GDAP1L1: variants seen among roughly 807,000 people sequenced by gnomAD.
GDAP1L1 encodes ganglioside-induced differentiation-associated protein 1-like 1.
Under a neutral mutation model 37.1 loss-of-function variants are expected in GDAP1L1, and 21 were observed. The ratio of observed to expected loss-of-function variants is 0.57; its 90% CI spans 0.40 to 0.81. GDAP1L1 has a LOEUF of 0.81. Among genes scored for constraint, GDAP1L1 ranks in the 40% least tolerant of loss-of-function variants. The pLI is 0.00. For synonymous variants in GDAP1L1, 193 were observed against 209.1 expected (o/e 0.92, Z 0.67); for missense variants, 362 against 491.6 (o/e 0.74, Z 2.49).
At chr20:44,276,148 C>T (rs1349525136) in intron 5 of GDAP1L1, among the ~76,000 whole-genome samples, 1 of 148,538 alleles carries the variant, frequency 6.7e-6, no homozygotes, top group Middle Eastern at 3.4e-3. Flanking sequence ...GTGGCAAAAC[C>T]CCATCTCTAG....
Position 44,247,649 on chromosome 20 carries a change from G to A in GDAP1L1, c.180+135G>A, listed in dbSNP as rs556720810. 2,281 of 804,770 alleles carry A rather than the reference G, an allele frequency of 2.8e-3. 20 individuals are homozygous for A. Among genetic ancestry groups the A allele is most frequent in the Middle Eastern group, 8.1e-3 (22 of 2,704 alleles). The allele number at this position is 804,770 out of a possible 1,614,324, so 49.9% of individuals were successfully genotyped here. On this transcript the variant is annotated intron_variant, in intron 1 of 5. Coordinates refer to ENST00000342560, the MANE Select transcript of GDAP1L1 (RefSeq NM_024034.6). Reference sequence around the variant, plus strand: ...GGTTTGGGGGTCCCGGAGGTCGGGGGACGCAAGGGTTCCTTCCAGGACTGC... The same window carrying A: ...GGTTTGGGGGTCCCGGAGGTCGGGGAACGCAAGGGTTCCTTCCAGGACTGC...
At position 44,257,243 on chromosome 20, in the gene GDAP1L1, C is replaced by A. The variant is rs377474335; in HGVS notation, c.271C>A (p.Arg91=). 6.8e-6 allele frequency: 11 copies of A among 1,613,158 alleles called. No homozygotes were observed. The highest frequency in any genetic ancestry group is 6.7e-5 in the African/African-American group (5 of 75,034). ...CGAGCACAAGGAGCCCTGGTTCATG[C>A]GGCTCAACCTGGGCGAGGAGGTGCC... ...QSEHKEPWFM[R]LNLGEEVPVI... is the part of the protein sequence containing the mutation. The change falls in exon 2 of 6, where the codon CGG becomes AGG. Residue 91 remains arginine, a synonymous_variant. Coordinates refer to ENST00000342560, the MANE Select transcript of GDAP1L1 (RefSeq NM_024034.6).
chr20:44,247,907 T>C (rs977178577), intron 1 of GDAP1L1, among the ~76,000 whole-genome samples: 3 of 152,020 alleles, frequency 2.0e-5, no homozygotes, highest in African/African-American at 4.8e-5. Flanking sequence ...GAAGCGCTAC[T>C]TGGGGTCCAG....
rs774358146 is a variant in GDAP1L1, at chr20:44,257,281, C to T, written c.309C>T (p.His103=). 140 of 1,613,894 alleles carry T rather than the reference C, an allele frequency of 8.7e-5. No individual in the cohort carries two copies. The highest frequency in any genetic ancestry group is 1.1e-4 in the Non-Finnish European group (132 of 1,179,972). Residue 103 remains histidine, a synonymous_variant, in exon 2 of 6, where the codon CAC becomes CAT. Coordinates refer to ENST00000342560, the MANE Select transcript of GDAP1L1 (RefSeq NM_024034.6). ...NLGEEVPVII[H]RDNIISDYDQ... is the part of the protein sequence containing the mutation. ...GCGAGGAGGTGCCCGTCATCATCCA[C>T]CGCGACAACATCATCAGTGACTATG... is the stretch of plus-strand genomic sequence containing the variant.
intron 1 of GDAP1L1, among the ~76,000 whole-genome samples, chr20:44,252,634 C>G (rs2073466991): frequency 6.6e-6 from 1 of 152,070 alleles, no homozygotes; most frequent in South Asian, 2.1e-4. Context: ...GAGCGAAACT[C>G]AAGCTCAAAA....
At chr20:44,255,426 C>A (rs1471272825) in intron 1 of GDAP1L1, among the ~76,000 whole-genome samples, 4 of 151,370 alleles carry the variant, frequency 2.6e-5, no homozygotes, top group Non-Finnish European at 5.9e-5. Context: ...CCTGTAATCC[C>A]AGCTACTCGG....
chr20:44,256,922 C>G (rs531005523), intron 1 of GDAP1L1, among the ~76,000 whole-genome samples: 2 of 152,324 alleles, frequency 1.3e-5, no homozygotes, highest in South Asian at 4.1e-4. Flanking sequence ...CCCTTAGCCA[C>G]CAGGCAGCAC....
chr20:44,256,147 G>A (rs986615274), intron 1 of GDAP1L1, among the ~76,000 whole-genome samples: 1 of 152,190 alleles, frequency 6.6e-6, no homozygotes, highest in Non-Finnish European at 1.5e-5. Context: ...CTGAATTGCT[G>A]TGTGACTTTG....
At position 44,258,622 on chromosome 20, in the gene GDAP1L1, G is replaced by A. The variant is rs376935377; in HGVS notation, c.547+15G>A. Reference sequence around the variant, plus strand: ...CGAGATCCGCAGTGAGTGCCAGGGCGGCGAGACAGCCCCTCTGCTTTCCCC... The same window carrying A: ...CGAGATCCGCAGTGAGTGCCAGGGCAGCGAGACAGCCCCTCTGCTTTCCCC... On this transcript the variant is annotated intron_variant, in intron 3 of 5. Transcript: ENST00000342560. 14 of 1,576,438 alleles carry A rather than the reference G, an allele frequency of 8.9e-6. No individual in the cohort carries two copies. The highest frequency in any genetic ancestry group is 2.3e-5 in the East Asian group (1 of 43,508).
chr20:44,276,298 G>A (rs2062572404), intron 5 of GDAP1L1, among the ~76,000 whole-genome samples: 1 of 151,050 alleles, frequency 6.6e-6, no homozygotes, highest in Admixed American at 6.6e-5. Context: ...TTGCACCACT[G>A]CACTGCAGCC....
At position 44,247,451 on chromosome 20, in the gene GDAP1L1, C is replaced by G; in HGVS notation, c.117C>G (p.Pro39=). The G allele has an allele frequency of 1.2e-6, 2 of 1,606,954 alleles. No homozygotes were observed. The highest frequency in any genetic ancestry group is 1.7e-6 in the Non-Finnish European group (2 of 1,177,126). The change falls in exon 1 of 6, where the codon CCC becomes CCG. Residue 39 remains proline (P), a synonymous_variant. Coordinates refer to ENST00000342560, the MANE Select transcript of GDAP1L1 (RefSeq NM_024034.6). ...EAPDAPEAAS[P]AHWPRESLVL... is the part of the protein sequence containing the mutation. ...CCGACGCTCCCGAGGCGGCCAGCCC[C>G]GCCCATTGGCCCAGGGAGAGCCTGG...
chr20:44,260,188 C>G (rs968617172), intron 3 of GDAP1L1, among the ~76,000 whole-genome samples: 2 of 151,684 alleles, frequency 1.3e-5, no homozygotes, highest in Non-Finnish European at 2.9e-5. Context: ...GTTATGGGTA[C>G]TTCCATACAA....
At chr20:44,261,447 A>G (rs2073672473) in intron 3 of GDAP1L1, among the ~76,000 whole-genome samples, 1 of 152,222 alleles carries the variant, frequency 6.6e-6, no homozygotes, top group African/African-American at 2.4e-5. Flanking sequence ...GACAGAAGCT[A>G]AACAACCTAA....
chr20:44,271,161 G>A (rs184986589), intron 5 of GDAP1L1, among the ~76,000 whole-genome samples: 2 of 152,302 alleles, frequency 1.3e-5, no homozygotes, highest in East Asian at 3.9e-4. Flanking sequence ...CTACTCAGGA[G>A]GCTGAGGCAG....
intron 1 of GDAP1L1, among the ~76,000 whole-genome samples, chr20:44,255,463 A>T (rs1170940732): frequency 7.0e-6 from 1 of 142,136 alleles, no homozygotes; most frequent in Non-Finnish European, 1.5e-5. Context: ...AATCGCTTGA[A>T]CCCAGGAGGC....
chr20:44,266,651 T>C (rs1402952605), intron 5 of GDAP1L1, among the ~76,000 whole-genome samples: 2 of 152,090 alleles, frequency 1.3e-5, no homozygotes, highest in Admixed American at 1.3e-4. Flanking sequence ...CCTCTCTCCT[T>C]GGCTTGTAAG....
At chr20:44,259,348 A>C (rs1050282441) in intron 3 of GDAP1L1, among the ~76,000 whole-genome samples, 8 of 152,218 alleles carry the variant, frequency 5.3e-5, no homozygotes, top group African/African-American at 1.9e-4. Context: ...GAAGATTCTT[A>C]GTAGATAATA....
Position 44,257,144 on chromosome 20 carries a change from C to A in GDAP1L1, c.181-9C>A. 6.4e-7 allele frequency: 1 copy of A among 1,574,692 alleles called. No homozygotes were observed. The highest frequency in any genetic ancestry group is 2.3e-5 in the East Asian group (1 of 43,030). On this transcript the variant is annotated splice_polypyrimidine_tract_variant and intron_variant, in intron 1 of 5. Transcript: ENST00000342560. Reference sequence around the variant, plus strand: ...CCCGCCTTCCCCGCTCTGACCCTGGCGCCTGCAGGTGCGGCTGGTGATCGC... The same window carrying A: ...CCCGCCTTCCCCGCTCTGACCCTGGAGCCTGCAGGTGCGGCTGGTGATCGC...
chr20:44,257,945 A>T (rs1361366153), intron 2 of GDAP1L1, among the ~76,000 whole-genome samples: 1 of 152,038 alleles, frequency 6.6e-6, no homozygotes, highest in African/African-American at 2.4e-5. Flanking sequence ...CCGCAGGCAG[A>T]GGAGGGCCCA....
Sources: allele counts gnomAD v4.1 joint callset (sites outside exome capture counted in the v4.1 genomes callset), GRCh38; gene constraint gnomAD v4.1.1; transcripts MANE v1.5; gene names NCBI Gene and HGNC (gene_info 2026-07-23, HGNC 2026-07-21).